DLC1: variants seen among roughly 807,000 people sequenced by gnomAD.
DLC1 encodes DLC1 Rho GTPase activating protein.
DLC1 carries 54 observed loss-of-function variants against 140.3 expected under a neutral mutation model. The ratio of observed to expected loss-of-function variants is 0.38; its 90% CI spans 0.31 to 0.48. The LOEUF (loss-of-function observed/expected upper bound fraction) is 0.48. Among genes scored for constraint, DLC1 ranks in the 20% least tolerant of loss-of-function variants. The pLI is 0.96. For synonymous variants in DLC1, 986 were observed against 728.1 expected, an observed-to-expected ratio of 1.35 and a Z score of -5.70; for missense variants, 2,536 against 1,907.0, an observed-to-expected ratio of 1.33 and a Z score of -6.14.
intron 1 of DLC1, among the ~76,000 whole-genome samples, chr8:13,593,235 C>T (rs947896212): frequency 1.3e-5 from 2 of 152,076 alleles, no homozygotes; most frequent in Non-Finnish European, 2.9e-5. Flanking sequence ...ATGCATGGAT[C>T]CTTTGGTTTC....
chr8:13,422,075 G>A (rs975860380), intron 2 of DLC1, among the ~76,000 whole-genome samples: 5 of 152,098 alleles, frequency 3.3e-5, no homozygotes, highest in African/African-American at 1.2e-4. Context: ...ATAAAACTAT[G>A]ACTGATAAAT....
At chr8:13,091,225 T>A in intron 14 of DLC1, 93 bp downstream of exon 14, 2 of 1,190,750 alleles carry the variant, frequency 1.7e-6, no homozygotes, top group Non-Finnish European at 2.4e-6. Context: ...GTGGAAAAGG[T>A]CTTCAGGTAA....
At chr8:13,597,202 A>G (rs545245905) in intron 1 of DLC1, among the ~76,000 whole-genome samples, 2 of 152,190 alleles carry the variant, frequency 1.3e-5, no homozygotes, top group South Asian at 4.1e-4. Context: ...CAGAATGCCC[A>G]CACTTAATTT....
chr8:13,526,333 G>C (rs1387232776), intron 1 of DLC1, among the ~76,000 whole-genome samples: 1 of 152,040 alleles, frequency 6.6e-6, no homozygotes, highest in African/African-American at 2.4e-5. Context: ...GAATCAGCTT[G>C]TCCATTTCTG....
chr8:13,583,495 C>T (rs139230841), intron 1 of DLC1, among the ~76,000 whole-genome samples: 19 of 152,262 alleles, frequency 1.2e-4, no homozygotes, highest in Admixed American at 1.3e-4. Context: ...ATCATATCTG[C>T]GACAACTTCC....
chr8:13,598,215 A>C (rs1805745789), intron 1 of DLC1, among the ~76,000 whole-genome samples: 1 of 152,272 alleles, frequency 6.6e-6, no homozygotes, highest in South Asian at 2.1e-4. Flanking sequence ...TATAAATAAA[A>C]TTTCATCATC....
intron 1 of DLC1, among the ~76,000 whole-genome samples, chr8:13,551,568 C>T (rs567691000): frequency 1.3e-5 from 2 of 151,852 alleles, no homozygotes; most frequent in Admixed American, 6.6e-5. Context: ...GCATTGCTCT[C>T]AACTATAAAA....
intron 4 of DLC1, among the ~76,000 whole-genome samples, chr8:13,359,582 A>G (rs1392668089): frequency 2.6e-5 from 4 of 152,206 alleles, no homozygotes; most frequent in African/African-American, 9.7e-5. Context: ...GAAACTCCAC[A>G]AATCCAGTGA....
At chr8:13,312,385 A>AAAAAAAAAAAAAT (rs1832709301) in intron 4 of DLC1, among the ~76,000 whole-genome samples, 3 of 142,586 alleles carry the variant, frequency 2.1e-5, no homozygotes, top group African/African-American at 7.7e-5. Context: ...AAAAAAAAAA[A>AAAAAAAAAAAAAT]AAATAATTTC....
chr8:13,454,102 A>G (rs1225414303), intron 2 of DLC1, among the ~76,000 whole-genome samples: 4 of 152,300 alleles, frequency 2.6e-5, no homozygotes, highest in Admixed American at 1.3e-4. Context: ...GTGTAGTTAA[A>G]AAGGCCAGAA....
chr8:13,133,324 C>G, intron 5 of DLC1: 1 of 1,185,348 alleles, frequency 8.4e-7, no homozygotes, highest in African/African-American at 1.6e-5. Flanking sequence ...GGCCCTCCCG[C>G]TGGGCCCACC....
intron 4 of DLC1, among the ~76,000 whole-genome samples, chr8:13,311,004 C>G (rs1832645684): frequency 6.6e-6 from 1 of 151,966 alleles, no homozygotes; most frequent in Non-Finnish European, 1.5e-5. Flanking sequence ...TTTACTTGTT[C>G]TAAATAATAG....
chr8:13,275,961 A>G (rs1831145365), intron 5 of DLC1, among the ~76,000 whole-genome samples: 1 of 152,178 alleles, frequency 6.6e-6, no homozygotes, highest in Admixed American at 6.5e-5. Context: ...TGACAGTCAC[A>G]AGGACCTTGC....
intron 2 of DLC1, among the ~76,000 whole-genome samples, chr8:13,462,443 G>T (rs904605645): frequency 6.8e-6 from 1 of 146,892 alleles, no homozygotes; most frequent in Admixed American, 6.9e-5. Flanking sequence ...GCTGGCGACA[G>T]CCCAGGCTGG....
intron 5 of DLC1, among the ~76,000 whole-genome samples, chr8:13,184,123 C>T (rs138672313): frequency 0.019 from 2,900 of 152,268 alleles, 90 homozygotes; most frequent in African/African-American, 0.066. Context: ...ATAGTATTCT[C>T]TGATGGTAGT....
At chr8:13,253,864 G>T (rs565934304) in intron 5 of DLC1, among the ~76,000 whole-genome samples, 3 of 152,152 alleles carry the variant, frequency 2.0e-5, no homozygotes, top group Non-Finnish European at 4.4e-5. Flanking sequence ...GGCAGCAAAT[G>T]CTTAGGAGTA....
chr8:13,215,983 A>T (rs561045920), intron 5 of DLC1, among the ~76,000 whole-genome samples: 1 of 152,132 alleles, frequency 6.6e-6, no homozygotes, highest in Non-Finnish European at 1.5e-5. Context: ...GTGTTTCCCC[A>T]GAAAAGTTTC....
intron 1 of DLC1, among the ~76,000 whole-genome samples, chr8:13,588,309 C>T (rs139039998): frequency 0.011 from 1,644 of 152,016 alleles, 26 homozygotes; most frequent in African/African-American, 0.037. Context: ...GGTGGATTAC[C>T]GAAGAGAGAG....
chr8:13,290,416 A>G (rs952233859), intron 5 of DLC1, among the ~76,000 whole-genome samples: 2 of 152,218 alleles, frequency 1.3e-5, no homozygotes, highest in Non-Finnish European at 2.9e-5. Flanking sequence ...CTAGAAAATT[A>G]TGGGGCACAC....
Sources: allele counts gnomAD v4.1 joint callset (sites outside exome capture counted in the v4.1 genomes callset), GRCh38; gene constraint gnomAD v4.1.1; transcripts MANE v1.5; gene names NCBI Gene and HGNC (gene_info 2026-07-23, HGNC 2026-07-21).